Variants in EYA2 observed in about 807,000 individuals in gnomAD.
EYA2 encodes protein phosphatase EYA2.
A neutral mutation model predicts 69.2 loss-of-function variants in EYA2; 31 were observed. That is an observed-to-expected ratio of 0.45 (90% CI 0.34 to 0.60). The LOEUF is 0.60. EYA2 is among the 20% of genes least tolerant of loss of function. EYA2 has a pLI of 0.02. For missense variants in EYA2, 622 were observed against 701.2 expected, an observed-to-expected ratio of 0.89 and a Z score of 1.28; for synonymous variants, 257 against 279.4, an observed-to-expected ratio of 0.92 and a Z score of 0.80.
intron 7 of EYA2, among the ~76,000 whole-genome samples, chr20:47,075,362 C>T (rs1166187215): frequency 6.6e-6 from 1 of 152,112 alleles, no homozygotes; most frequent in African/African-American, 2.4e-5. Context: ...CTCACAAAAA[C>T]AGGTTTATAT....
rs117534445 is a variant in EYA2, at chr20:47,118,530, C to A, written c.888+21362C>A. On this transcript the variant is annotated intron_variant, in intron 9 of 15. Transcript: ENST00000327619. ...TTGAGGTGTTGGATGGGGGTGGTAC[C>A]CTTTGTTGGCTTAATCCCTTATAAT... is the stretch of plus-strand genomic sequence containing the variant. Among the ~76,000 whole-genome samples, 765 of 152,114 alleles carry A rather than the reference C, an allele frequency of 5.0e-3. 4 individuals carry two copies. Among genetic ancestry groups the A allele is most frequent in the Non-Finnish European group, 8.5e-3 (577 of 68,016 alleles).
intron 1 of EYA2, among the ~76,000 whole-genome samples, chr20:46,899,597 G>A (rs1983990620): frequency 1.3e-5 from 2 of 152,232 alleles, no homozygotes; most frequent in Admixed American, 1.3e-4. Context: ...GTGCTGGATC[G>A]CTATGGGTGG....
At chr20:47,187,368 A>AG (rs1028661260) in intron 15 of EYA2, among the ~76,000 whole-genome samples, 20 of 152,068 alleles carry the variant, frequency 1.3e-4, no homozygotes, top group Non-Finnish European at 2.2e-4. Flanking sequence ...AAAGAAAGAA[A>AG]AAAAAAACTC....
At chr20:47,163,090 C>T (rs1315166578) in intron 10 of EYA2, among the ~76,000 whole-genome samples, 9 of 151,258 alleles carry the variant, frequency 6.0e-5, no homozygotes, top group East Asian at 2.0e-4. Flanking sequence ...AGTGCAGTGG[C>T]GCCATCTCAG....
At chr20:47,008,304 GTC>G (rs1176508570) in intron 4 of EYA2, among the ~76,000 whole-genome samples, 1 of 152,158 alleles carries the variant, frequency 6.6e-6, no homozygotes, top group East Asian at 1.9e-4. Context: ...CTTACCCAAG[GTC>G]ACCCAGCTGG....
chr20:47,183,291 G>C lies in EYA2; in HGVS notation c.1436G>C (p.Gly479Ala), dbSNP rs1322168217. 1 of 1,613,996 alleles carries C rather than the reference G, an allele frequency of 6.2e-7. No individual in the cohort carries two copies. The highest frequency in any genetic ancestry group is 8.5e-7 in the Non-Finnish European group (1 of 1,179,942). The change falls in exon 15 of 16, where the codon GGG (glycine) becomes GCG (alanine). Residue 479 changes from glycine (G) to alanine (A), a missense_variant and splice_region_variant. Around this residue, in one of 2 missense-constraint regions of EYA2, gnomAD observed 257 missense variants for 351.5 expected, o/e 0.73. Transcript: ENST00000327619. ...IENIYSATKTGKESCFERIMQ... is the reference protein window; with the variant it reads ...IENIYSATKTAKESCFERIMQ... ...TTCTTTCCTTCCTGTGTGCGTGCAG[G>C]GAAGGAGAGCTGCTTCGAGAGGATA...
intron 15 of EYA2, among the ~76,000 whole-genome samples, chr20:47,186,044 GAC>G (rs2034633327): frequency 6.6e-6 from 1 of 152,120 alleles, no homozygotes; most frequent in Non-Finnish European, 1.5e-5. Flanking sequence ...CTGCTTAAAT[GAC>G]ACTCCCTGGA....
Position 47,012,520 on chromosome 20 carries a change from GTCTCAC to G in EYA2, c.299-3657_299-3652del, listed in dbSNP as rs1983133306. Among the ~76,000 whole-genome samples, 17 of 152,284 alleles carry G rather than the reference GTCTCAC, an allele frequency of 1.1e-4. No homozygotes were observed. In the South Asian group the frequency reaches 3.5e-3, roughly 32 times the overall value. On this transcript the variant is annotated intron_variant, in intron 4 of 15. Transcript: ENST00000327619. ...TATTTACTTATTTATTTGAGATGAA[GTCTCAC>G]TCTTTAGCCCAGGCTGGAGTGCATT...
chr20:47,017,160 C>T (rs1180875262), intron 5 of EYA2, among the ~76,000 whole-genome samples: 2 of 152,172 alleles, frequency 1.3e-5, no homozygotes, highest in African/African-American at 4.8e-5. Context: ...TCTGGTGCCC[C>T]CTTGGGAGCA....
chr20:47,120,662 T>G (rs1308881789), intron 9 of EYA2, among the ~76,000 whole-genome samples: 1 of 152,132 alleles, frequency 6.6e-6, no homozygotes, highest in African/African-American at 2.4e-5. Flanking sequence ...ACAAGTCAGT[T>G]TTTTCCTAAG....
intron 1 of EYA2, among the ~76,000 whole-genome samples, chr20:46,898,864 A>G (rs1234872220): frequency 6.6e-6 from 1 of 152,242 alleles, no homozygotes; most frequent in African/African-American, 2.4e-5. Context: ...AGGAAGCCAC[A>G]GGCTTATACA....
At chr20:47,157,904 G>T (rs1425289554) in intron 10 of EYA2, among the ~76,000 whole-genome samples, 3 of 151,914 alleles carry the variant, frequency 2.0e-5, no homozygotes, top group East Asian at 2.0e-4. Flanking sequence ...GAAAAAGATG[G>T]AATGCTCTCC....
chr20:46,928,005 T>C (rs1208637107), intron 1 of EYA2, among the ~76,000 whole-genome samples: 1 of 152,248 alleles, frequency 6.6e-6, no homozygotes, highest in East Asian at 1.9e-4. Flanking sequence ...GCATTTACTA[T>C]GCTGCAGACA....
chr20:47,082,276 T>G (rs1292770493), intron 7 of EYA2, among the ~76,000 whole-genome samples: 1 of 152,102 alleles, frequency 6.6e-6, no homozygotes, highest in Admixed American at 6.6e-5. Flanking sequence ...AATTTAAAAT[T>G]TTTTAAAAAT....
At chr20:47,015,392 C>T (rs1039906381) in intron 4 of EYA2, among the ~76,000 whole-genome samples, 1 of 152,164 alleles carries the variant, frequency 6.6e-6, no homozygotes, top group Non-Finnish European at 1.5e-5. Context: ...AAGCAGAAGG[C>T]AGATTTGTAA....
intron 13 of EYA2, 104 bp downstream of exon 13, chr20:47,180,016 C>A: frequency 1.3e-6 from 1 of 762,810 alleles, no homozygotes; most frequent in South Asian, 1.6e-5. Context: ...TCCTCAAACT[C>A]TCACTTGTAC....
At position 47,050,181 on chromosome 20, in the gene EYA2, T is replaced by G. The variant is rs79349425; in HGVS notation, c.416-22004T>G. 7.0e-3 allele frequency among the ~76,000 whole-genome samples: 1,073 copies of G among 152,354 alleles called. 13 individuals carry two copies. The highest frequency in any genetic ancestry group is 0.025 in the African/African-American group (1,023 of 41,588). ...GCAAGGAGTCTCGTAGAAATCTGCA[T>G]GGTTCTCAGGTATGCCTGCCGGAGA... On this transcript the variant is annotated intron_variant, in intron 5 of 15. Coordinates refer to ENST00000327619, the MANE Select transcript of EYA2 (RefSeq NM_005244.5).
intron 1 of EYA2, among the ~76,000 whole-genome samples, chr20:46,908,124 T>C (rs960068045): frequency 4.6e-5 from 7 of 152,210 alleles, no homozygotes; most frequent in African/African-American, 1.2e-4. Context: ...TTCAAAAATA[T>C]GTATTGAGCA....
intron 1 of EYA2, among the ~76,000 whole-genome samples, chr20:46,942,141 C>T (rs1986180978): frequency 1.3e-5 from 2 of 152,066 alleles, no homozygotes; most frequent in South Asian, 4.2e-4. Flanking sequence ...TGTTACTAGC[C>T]CTCCTCACCA....
Sources: gnomAD v4.1 joint callset for allele counts (sites outside exome capture counted in the v4.1 genomes callset) on GRCh38, gnomAD v4.1.1 for gene constraint, gnomAD v4.1.1 regional missense constraint, MANE v1.5 for transcripts, NCBI Gene and HGNC (gene_info 2026-07-23, HGNC 2026-07-21) for gene names.